The following FOXP1 variants were observed in gnomAD, a reference collection of about 807,000 sequenced individuals.
FOXP1 encodes forkhead box protein P1.
FOXP1 carries 15 observed loss-of-function variants against 98.2 expected under a neutral mutation model. The observed-to-expected ratio is 0.15, with a 90% CI of 0.10 to 0.24. The LOEUF is 0.24. Ranked by LOEUF, FOXP1 falls within the 10% of genes least tolerant of loss-of-function variation. The pLI, the probability that FOXP1 is intolerant of heterozygous loss-of-function variation, is 1.00. For missense variants in FOXP1, 633 were observed against 848.5 expected (o/e 0.75, Z 3.15); for synonymous variants, 371 against 314.5 (o/e 1.18, Z -1.90).
intron 2 of FOXP1, among the ~76,000 whole-genome samples, chr3:71,567,371 CGCAG>C (rs1245636332): frequency 1.3e-5 from 2 of 152,084 alleles, no homozygotes; most frequent in East Asian, 3.9e-4. Context: ...TAAACCGAAA[CGCAG>C]AGACTCCGTC....
intron 3 of FOXP1, among the ~76,000 whole-genome samples, chr3:71,438,372 G>C (rs1182865000): frequency 6.6e-6 from 1 of 152,192 alleles, no homozygotes; most frequent in Admixed American, 6.5e-5. Flanking sequence ...AAAACAGCAA[G>C]ACTAATCCTA....
At chr3:71,199,149 C>G (rs1331331929) in intron 5 of FOXP1, among the ~76,000 whole-genome samples, 1 of 150,716 alleles carries the variant, frequency 6.6e-6, no homozygotes, top group Admixed American at 6.6e-5. Flanking sequence ...GCTCTGTCGC[C>G]GAGGATGAAG....
chr3:71,152,291 A>C (rs1195418641), intron 6 of FOXP1, among the ~76,000 whole-genome samples: 1 of 152,180 alleles, frequency 6.6e-6, no homozygotes, highest in Non-Finnish European at 1.5e-5. Context: ...AGGGGATCCC[A>C]AGCCTCAGGT....
At chr3:71,193,423 C>CA (rs1414353403) in intron 6 of FOXP1, among the ~76,000 whole-genome samples, 1 of 123,182 alleles carries the variant, frequency 8.1e-6, no homozygotes, top group Non-Finnish European at 1.6e-5. Context: ...GCTGGGATTA[C>CA]AGGCGTGAGC....
At chr3:71,048,145 AAAAG>A (rs2107006612) in intron 9 of FOXP1, among the ~76,000 whole-genome samples, 1 of 152,294 alleles carries the variant, frequency 6.6e-6, no homozygotes, top group South Asian at 2.1e-4. Flanking sequence ...TAGCAAAAAA[AAAAG>A]AAAAGTTTCT....
intron 7 of FOXP1, among the ~76,000 whole-genome samples, chr3:71,090,322 T>A (rs2055660653): frequency 6.6e-6 from 1 of 152,236 alleles, no homozygotes; most frequent in African/African-American, 2.4e-5. Context: ...GTTGTCACGA[T>A]GGCTGTTAGA....
At chr3:71,418,880 G>A (rs1372616178) in intron 3 of FOXP1, among the ~76,000 whole-genome samples, 3 of 149,946 alleles carry the variant, frequency 2.0e-5, no homozygotes. Context: ...AGATACTCAG[G>A]AGGGTGAGGC....
chr3:71,123,398 T>C lies in FOXP1; in HGVS notation c.181-10761A>G, dbSNP rs553805460. Reference sequence around the variant, plus strand: ...TTAACTGAGTTCACTCATCTTCTCTTGGAATATTGATGTTGTCCCCATCAT... The same window carrying C: ...TTAACTGAGTTCACTCATCTTCTCTCGGAATATTGATGTTGTCCCCATCAT... On this transcript the variant is annotated intron_variant, in intron 6 of 20. Transcript: ENST00000649528. Among the ~76,000 whole-genome samples the C allele has an allele frequency of 3.0e-4, 45 of 152,340 alleles. No individual in the cohort carries two copies. The Middle Eastern group carries it at 0.01, about 35-fold the overall frequency.
intron 7 of FOXP1, among the ~76,000 whole-genome samples, chr3:71,089,808 T>C (rs1156755131): frequency 6.6e-6 from 1 of 152,224 alleles, no homozygotes; most frequent in African/African-American, 2.4e-5. Flanking sequence ...CTGTTGCCTT[T>C]GAGACTCTGA....
intron 2 of FOXP1, among the ~76,000 whole-genome samples, chr3:71,540,890 T>C (rs1159525092): frequency 6.6e-6 from 1 of 152,202 alleles, no homozygotes; most frequent in Non-Finnish European, 1.5e-5. Flanking sequence ...AATGAAAGAT[T>C]AGAAGGAAAC....
chr3:71,580,853 T>C (rs986718149), intron 2 of FOXP1: 3 of 985,282 alleles, frequency 3.0e-6, no homozygotes, highest in African/African-American at 1.7e-5. Context: ...AATGTACAGA[T>C]GCCTTTCAAA....
At chr3:71,052,428 T>TA (rs1491053440) in intron 9 of FOXP1, 109 bp downstream of exon 9, 21 of 782,166 alleles carry the variant, frequency 2.7e-5, no homozygotes, top group Non-Finnish European at 4.9e-5. Flanking sequence ...TGAGAACCGA[T>TA]AGAGTCAGCT....
intron 5 of FOXP1, among the ~76,000 whole-genome samples, chr3:71,280,329 T>TTTTA (rs1328847271): frequency 1.3e-5 from 2 of 151,390 alleles, no homozygotes; most frequent in African/African-American, 4.9e-5. Context: ...ATCTTTTTTT[T>TTTTA]TTATTTTTTG....
At chr3:71,386,785 T>C (rs2080624491) in intron 3 of FOXP1, among the ~76,000 whole-genome samples, 1 of 151,378 alleles carries the variant, frequency 6.6e-6, no homozygotes, top group Admixed American at 6.6e-5. Flanking sequence ...TGGAAGCTTA[T>C]TACCAGTAAA....
At chr3:71,480,997 T>C (rs889198128) in intron 3 of FOXP1, among the ~76,000 whole-genome samples, 14 of 152,182 alleles carry the variant, frequency 9.2e-5, no homozygotes. Context: ...CATTCTTTTT[T>C]TGAGCACAGA....
intron 4 of FOXP1, among the ~76,000 whole-genome samples, chr3:71,300,294 T>C (rs2073734804): frequency 6.6e-6 from 1 of 152,198 alleles, no homozygotes; most frequent in Non-Finnish European, 1.5e-5. Flanking sequence ...TTTTTCCCCT[T>C]TTGGAAGAGA....
intron 19 of FOXP1, 40 bp downstream of exon 19, chr3:70,970,696 T>A (rs1173437571): frequency 2.1e-6 from 3 of 1,457,886 alleles, no homozygotes; most frequent in Admixed American, 1.7e-5. Context: ...AGGGGAGACC[T>A]GTGCCTCTGC....
intron 4 of FOXP1, among the ~76,000 whole-genome samples, chr3:71,306,520 T>C (rs2074284781): frequency 6.6e-6 from 1 of 151,868 alleles, no homozygotes; most frequent in Non-Finnish European, 1.5e-5. Flanking sequence ...AAGATCTGTT[T>C]GATATATGCA....
At chr3:71,045,936 C>G (rs2048972940) in intron 10 of FOXP1, among the ~76,000 whole-genome samples, 1 of 152,196 alleles carries the variant, frequency 6.6e-6, no homozygotes, top group Non-Finnish European at 1.5e-5. Flanking sequence ...TACATATAAA[C>G]CAACATCCAA....
Sources: gnomAD v4.1 joint callset for allele counts (sites outside exome capture counted in the v4.1 genomes callset) on GRCh38, gnomAD v4.1.1 for gene constraint, MANE v1.5 for transcripts, NCBI Gene and HGNC (gene_info 2026-07-23, HGNC 2026-07-21) for gene names.